Variants in RNF39 observed in about 807,000 individuals in gnomAD.
RNF39 encodes the protein LTP (long-term potentiation) induced RING finger protein.
A neutral mutation model predicts 29.2 loss-of-function variants in RNF39; 25 were observed. The ratio of observed to expected loss-of-function variants is 0.86; its 90% CI spans 0.62 to 1.20. The LOEUF (loss-of-function observed/expected upper bound fraction) is 1.20. Among genes scored for constraint, RNF39 ranks in the 50% most tolerant of loss-of-function variants. RNF39 has a pLI of 0.00. For synonymous variants in RNF39, 219 were observed against 229.0 expected, an observed-to-expected ratio of 0.96 and a Z score of 0.40; for missense variants, 519 against 515.0, an observed-to-expected ratio of 1.01 and a Z score of -0.08.
At position 30,073,011 on chromosome 6, in the gene RNF39, C is replaced by T. The variant is rs780765240; in HGVS notation, c.478+146G>A. 575 of 631,318 alleles carry T rather than the reference C, an allele frequency of 9.1e-4. 1 individual carries two copies. The highest frequency in any genetic ancestry group is 1.5e-3 in the Non-Finnish European group (524 of 352,986). 39.1% of individuals were successfully genotyped at this position (631,318 alleles called of 1,614,324 possible). A position where few individuals can be genotyped will look rare whatever the true frequency, so the allele number is the denominator to read the frequency against. ...TGAGATAAATGTCTGTTGTTTCAGC[C>T]ACCTACTTTGCGGTGCTTCATTAGA... On this transcript the variant is annotated intron_variant, in intron 3 of 3. Coordinates refer to ENST00000244360, the MANE Select transcript of RNF39 (RefSeq NM_025236.4).
chr6:30,071,735 C>G lies in RNF39; in HGVS notation c.479-44G>C, dbSNP rs1018981643. 7.3e-7 allele frequency: 1 copy of G among 1,363,218 alleles called. No homozygotes were observed. Among genetic ancestry groups the G allele is most frequent in the African/African-American group, 1.5e-5 (1 of 65,286 alleles). The allele number at this position is 1,363,218 out of a possible 1,614,324, so 84.4% of individuals were successfully genotyped here. On this transcript the variant is annotated intron_variant, in intron 3 of 3. Coordinates refer to ENST00000244360, the MANE Select transcript of RNF39 (RefSeq NM_025236.4). This position sits in a 1 kb window ranked among gnomAD's most constrained non-coding sequence, Gnocchi z 5.0. ...GGAGAGGACCTCATGAGAGAGTTTT[C>G]TAAATCACAGGCGGGGTAGGGTGGA...
Position 30,071,342 on chromosome 6 carries a change from C to A in RNF39, c.828G>T (p.Leu276=), listed in dbSNP as rs927711461. The part of the protein sequence containing the change: ...VWAVEGRGGR[L]WALTAPEPTL... Reference sequence around the variant, plus strand: ...TGGGTTCGGGTGCCGTGAGGGCCCACAGGCGGCCGCCGCGGCCCTCCACGG... The same window carrying A: ...TGGGTTCGGGTGCCGTGAGGGCCCAAAGGCGGCCGCCGCGGCCCTCCACGG... Residue 276 remains leucine (L), a synonymous_variant, in exon 4 of 4, where the codon CTG becomes CTT. Transcript: ENST00000244360. The surrounding 1 kb of genome is among the most constrained non-coding windows in gnomAD (Gnocchi z 5.0). 1.3e-5 allele frequency: 19 copies of A among 1,462,186 alleles called. No homozygotes were observed. Among genetic ancestry groups the A allele is most frequent in the Non-Finnish European group, 1.7e-5 (19 of 1,114,416 alleles). 90.6% of individuals were successfully genotyped at this position (1,462,186 alleles called of 1,614,324 possible). A position where few individuals can be genotyped will look rare whatever the true frequency, so the allele number is the denominator to read the frequency against.
intron 2 of RNF39, 50 bp from the exon 3 acceptor site, chr6:30,073,298 C>G (rs758737754): frequency 3.1e-5 from 46 of 1,487,612 alleles, no homozygotes; most frequent in Non-Finnish European, 4.3e-5. Context: ...GATCCTAATG[C>G]CCCCACGCAT....
Position 30,071,658 on chromosome 6 carries a change from CG to C in RNF39, c.511del (p.Arg171AlafsTer88), listed in dbSNP as rs1426134719. 66 of 1,428,452 alleles carry C rather than the reference CG, an allele frequency of 4.6e-5. No individual in the cohort carries two copies. The Middle Eastern group carries it at 8.4e-4, about 18-fold the overall frequency. 88.5% of individuals were successfully genotyped at this position (1,428,452 alleles called of 1,614,324 possible). ...GCGGTCGGCGGAGATGAGCAGGCGGCGGTGTGCGGTCCCAGGGTCCAGGGTC... is the reference window on the plus strand; with the variant it reads ...GCGGTCGGCGGAGATGAGCAGGCGGCGTGTGCGGTCCCAGGGTCCAGGGTC... ...DLTLDPGTAHRRLLISADRRS... is the reference protein window; with the variant it reads ...DLTLDPGTAHXRLLISADRRS... On this transcript the variant is annotated frameshift_variant, in exon 4 of 4. Coordinates refer to ENST00000244360, the MANE Select transcript of RNF39 (RefSeq NM_025236.4). LOFTEE classifies it high-confidence loss of function. The surrounding 1 kb of genome is among the most constrained non-coding windows in gnomAD (Gnocchi z 5.0).
rs2074479 is a variant in RNF39 at position 30,073,232 on chromosome 6, A to G, written c.403T>C (p.Ser135Pro). Residue 135 changes from serine (S) to proline (P), a missense_variant, in exon 3 of 4, where the codon TCC becomes CCC. Coordinates refer to ENST00000244360, the MANE Select transcript of RNF39 (RefSeq NM_025236.4). ...KTWRRFEVPT[S>P]KSSNSEDDLP... ...TCATCCTCTGAATTAGATGACTTGGATGTTGGGACTTCAAATCTACACAGA... is the reference window on the plus strand; with the variant it reads ...TCATCCTCTGAATTAGATGACTTGGGTGTTGGGACTTCAAATCTACACAGA... 201,330 of 1,610,110 alleles carry G rather than the reference A, an allele frequency of 0.13. 15,772 individuals carry two copies. Among genetic ancestry groups the G allele is most frequent in the African/African-American group, 0.27 (20,471 of 74,700 alleles).
rs371457366 is a variant in RNF39 at position 30,073,167 on chromosome 6, A to G, written c.468T>C (p.His156=). 20 of 1,598,770 alleles carry G rather than the reference A, an allele frequency of 1.3e-5. No individual in the cohort carries two copies. Among genetic ancestry groups the G allele is most frequent in the African/African-American group, 1.1e-4 (8 of 74,494 alleles). Reference sequence around the variant, plus strand: ...TTCTTCTTTCCTTACCTGTCAGTCTATGAAGCATTTTTTTGACCACTGGAT... The same window carrying G: ...TTCTTCTTTCCTTACCTGTCAGTCTGTGAAGCATTTTTTTGACCACTGGAT... ...EDYPVVKKML[H]RLTADLTLDP... is the part of the protein sequence containing the mutation. The change falls in exon 3 of 4, where the codon CAT becomes CAC. Residue 156 remains histidine (H), a synonymous_variant. Coordinates refer to ENST00000244360, the MANE Select transcript of RNF39 (RefSeq NM_025236.4).
intron 1 of RNF39, among the ~76,000 whole-genome samples, chr6:30,073,721 C>T (rs1392645767): frequency 6.6e-6 from 1 of 152,088 alleles, no homozygotes; most frequent in Non-Finnish European, 1.5e-5. Context: ...AACTCCATCC[C>T]CACTGTCCTC....
chr6:30,075,678 A>G lies in RNF39; in HGVS notation c.-93T>C. On this transcript the variant is annotated 5_prime_UTR_variant, in exon 1 of 4. Coordinates refer to ENST00000244360, the MANE Select transcript of RNF39 (RefSeq NM_025236.4). ...GGGCCGCCCCTGCTGCTTGCTGTGT[A>G]GATGCCCTTCTCTCCGACTCCCGCA... 3 of 1,613,778 alleles carry G rather than the reference A, an allele frequency of 1.9e-6. No individual in the cohort carries two copies. The highest frequency in any genetic ancestry group is 2.5e-6 in the Non-Finnish European group (3 of 1,179,972).
chr6:30,075,555 C>T lies in RNF39; in HGVS notation c.31G>A (p.Val11Met), dbSNP rs1766367895. 6.2e-7 allele frequency: 1 copy of T among 1,602,198 alleles called. No individual in the cohort carries two copies. Residue 11 changes from valine to methionine, a missense_variant, in exon 1 of 4, where the codon GTG becomes ATG. Transcript: ENST00000244360. ...GTCGCCAGCTGCTCCAGACGCTCCA[C>T]CAGCCCCGGGCCCAGCTCGGGCGCA... MDAPELGPGL[V>M]ERLEQLATCP...
At chr6:30,075,111 C>T (rs1160966692) in intron 1 of RNF39, 112 bp downstream of exon 1, 2 of 1,156,230 alleles carry the variant, frequency 1.7e-6, no homozygotes, top group African/African-American at 1.6e-5. Context: ...TCTCCCCACC[C>T]CATCCTTTGC....
In RNF39 at chr6:30,070,586, A is replaced by G. The variant is rs1765856043; in HGVS notation, c.*525T>C. The G allele has an allele frequency of 3.1e-6, 1 of 317,576 alleles. No homozygotes were observed. The highest frequency in any genetic ancestry group is 6.2e-6 in the Non-Finnish European group (1 of 160,062). 19.7% of individuals were successfully genotyped at this position (317,576 alleles called of 1,614,324 possible). On this transcript the variant is annotated 3_prime_UTR_variant, in exon 4 of 4. Transcript: ENST00000244360. ...CCCTCCCCACCCCCAGATCCTGCAA[A>G]AGAGGTACAAAGCTTCCCAGAGGGC...
rs767088592 is a variant in RNF39, at chr6:30,071,383, C to CA, written c.786dup (p.Ala263CysfsTer29). 2 of 1,472,020 alleles carry CA rather than the reference C, an allele frequency of 1.4e-6. No individual in the cohort carries two copies. Among genetic ancestry groups the CA allele is most frequent in the South Asian group, 2.8e-5 (2 of 70,778 alleles). The allele number at this position is 1,472,020 out of a possible 1,614,324, so 91.2% of individuals were successfully genotyped here. On this transcript the variant is annotated frameshift_variant, in exon 4 of 4. Transcript: ENST00000244360. LOFTEE classifies it high-confidence loss of function. This position sits in a 1 kb window ranked among gnomAD's most constrained non-coding sequence, Gnocchi z 5.0. ...CCCTCCACGGCCCACACGGCCCCCG[C>CA]AGGGCACAGCCTTACGCAGCCCTTG...
At chr6:30,075,119 T>C in intron 1 of RNF39, 104 bp downstream of exon 1, 2 of 1,235,186 alleles carry the variant, frequency 1.6e-6, no homozygotes, top group Admixed American at 2.7e-5. Flanking sequence ...CCCCATCCTT[T>C]GCCTAAACTT....
chr6:30,071,325 G>T lies in RNF39; in HGVS notation c.845C>A (p.Pro282His). Residue 282 changes from proline (P) to histidine (H), a missense_variant, in exon 4 of 4, where the codon CCC (proline) becomes CAC (histidine). By Grantham distance (77) the Pro-to-His change is moderately conservative. Transcript: ENST00000244360. This position sits in a 1 kb window ranked among gnomAD's most constrained non-coding sequence, Gnocchi z 5.0. Reference sequence around the variant, plus strand: ...AACACCGCCCAGCAGGGTGGGTTCGGGTGCCGTGAGGGCCCACAGGCGGCC... The same window carrying T: ...AACACCGCCCAGCAGGGTGGGTTCGTGTGCCGTGAGGGCCCACAGGCGGCC... ...RGGRLWALTA[P>H]EPTLLGGVEP... 6.8e-7 allele frequency: 1 copy of T among 1,475,806 alleles called. No individual in the cohort carries two copies. Among genetic ancestry groups the T allele is most frequent in the South Asian group, 1.4e-5 (1 of 70,798 alleles). 91.4% of individuals were successfully genotyped at this position (1,475,806 alleles called of 1,614,324 possible).
chr6:30,073,304 C>T (rs1282522695), intron 2 of RNF39, 56 bp from the exon 3 acceptor site: 6 of 1,478,354 alleles, frequency 4.1e-6, no homozygotes, highest in African/African-American at 1.4e-5. Flanking sequence ...AATGCCCCCA[C>T]GCATACCCCA....
chr6:30,072,929 G>C lies in RNF39; in HGVS notation c.478+228C>G, dbSNP rs2074481. Among the ~76,000 whole-genome samples the C allele has an allele frequency of 0.17, 26,292 of 152,140 alleles. 2,819 individuals are homozygous for C. Among genetic ancestry groups the C allele is most frequent in the African/African-American group, 0.28 (11,690 of 41,472 alleles). The stretch of plus-strand genomic sequence containing the variant: ...ATGGAACAGATTCTGTCTCATGGCC[G>C]TCAGAAGGAACCAACACTGCTGACA... On this transcript the variant is annotated intron_variant, in intron 3 of 3. Coordinates refer to ENST00000244360, the MANE Select transcript of RNF39 (RefSeq NM_025236.4). This position sits in a 1 kb window ranked among gnomAD's most constrained non-coding sequence, Gnocchi z 4.5.
At position 30,070,456 on chromosome 6, in the gene RNF39, G is replaced by T; in HGVS notation, c.*655C>A. On this transcript the variant is annotated 3_prime_UTR_variant, in exon 4 of 4. Coordinates refer to ENST00000244360, the MANE Select transcript of RNF39 (RefSeq NM_025236.4). The stretch of plus-strand genomic sequence containing the variant: ...GGAGAGAGGGGAAATAGCACCATTG[G>T]TTCCTTTCCGTGAGTATGTGCGGGG... 4.6e-6 allele frequency: 1 copy of T among 215,320 alleles called. No individual in the cohort carries two copies. 13.3% of individuals were successfully genotyped at this position (215,320 alleles called of 1,614,324 possible).
chr6:30,071,295 G>T lies in RNF39; in HGVS notation c.875C>A (p.Pro292His), dbSNP rs776965364. ...PEPTLLGGVE[P>H]PPRRIRVDLD... is the part of the protein sequence containing the mutation. ...GTCCACGCGAATGCGCCGCGGCGGG[G>T]GCTCAACACCGCCCAGCAGGGTGGG... The change falls in exon 4 of 4, where the codon CCC (proline) becomes CAC (histidine). Residue 292 changes from proline (P) to histidine (H), a missense_variant. Coordinates refer to ENST00000244360, the MANE Select transcript of RNF39 (RefSeq NM_025236.4). The surrounding 1 kb of genome is among the most constrained non-coding windows in gnomAD (Gnocchi z 5.0). 3.3e-6 allele frequency: 5 copies of T among 1,501,328 alleles called. No homozygotes were observed. The highest frequency in any genetic ancestry group is 1.4e-5 in the African/African-American group (1 of 70,988). The allele number at this position is 1,501,328 out of a possible 1,614,324, so 93.0% of individuals were successfully genotyped here.
rs570287299 is a variant in RNF39, at chr6:30,072,111, T to A, written c.479-420A>T. 1.3e-5 allele frequency among the ~76,000 whole-genome samples: 2 copies of A among 152,028 alleles called. No homozygotes were observed. Among genetic ancestry groups the A allele is most frequent in the South Asian group, 4.2e-4 (2 of 4,806 alleles). On this transcript the variant is annotated intron_variant, in intron 3 of 3. Transcript: ENST00000244360. This position sits in a 1 kb window ranked among gnomAD's most constrained non-coding sequence, Gnocchi z 4.5. ...GTCAGCAAAATGGGGAAGGTTCATC[T>A]AAAGAGAAAGTCGTACTGATACTGG...
Sources: allele counts gnomAD v4.1 joint callset (sites outside exome capture counted in the v4.1 genomes callset), GRCh38; gene constraint gnomAD v4.1.1; non-coding constraint Gnocchi (gnomAD v3.1); transcripts MANE v1.5; gene names NCBI Gene and HGNC (gene_info 2026-07-23, HGNC 2026-07-21).